The following EPHA6 variants were observed in gnomAD, a reference collection of about 807,000 sequenced individuals.
EPHA6 encodes the protein EPH receptor A6.
In EPHA6, 50 loss-of-function variants were observed where a neutral mutation model predicts 112.0. The observed-to-expected ratio is 0.45, with a 90% confidence interval of 0.36 to 0.56. The LOEUF is 0.56. Ranked by LOEUF, EPHA6 falls within the 20% of genes least tolerant of loss-of-function variation. The probability of loss-of-function intolerance (pLI) is 0.00; values close to 1 mark genes in which losing one functional copy is unlikely to be tolerated. For missense variants in EPHA6, 1,280 were observed against 1,417.4 expected (o/e 0.90, Z 1.56); for synonymous variants, 529 against 490.7 (o/e 1.08, Z -1.03).
At chr3:97,198,787 A>G (rs943586150) in intron 3 of EPHA6, among the ~76,000 whole-genome samples, 1 of 152,162 alleles carries the variant, frequency 6.6e-6, no homozygotes, top group South Asian at 2.1e-4. Flanking sequence ...AACATTGAAC[A>G]TGCTAGTGTC....
rs554940876 is a variant in EPHA6, at chr3:97,177,293, A to G, written c.1115-48971A>G. 2.8e-3 allele frequency among the ~76,000 whole-genome samples: 425 copies of G among 152,042 alleles called. 1 individual carries two copies. The highest frequency in any genetic ancestry group is 3.2e-3 in the Non-Finnish European group (215 of 67,874). On this transcript the variant is annotated intron_variant, in intron 3 of 17. Coordinates refer to ENST00000389672, the MANE Select transcript of EPHA6 (RefSeq NM_001080448.3). ...GTTTAAAGACTTGTTTTGTGACCTA[A>G]CATATGGCCTATCCTTGAGAATGAT... is the stretch of plus-strand genomic sequence containing the variant.
At chr3:97,209,727 G>A (rs1452064868) in intron 3 of EPHA6, among the ~76,000 whole-genome samples, 1 of 152,190 alleles carries the variant, frequency 6.6e-6, no homozygotes, top group Non-Finnish European at 1.5e-5. Context: ...AAAATTGTCA[G>A]ATTGAAAAAT....
chr3:97,293,037 T>A (rs1311725957), intron 5 of EPHA6, among the ~76,000 whole-genome samples: 1 of 152,044 alleles, frequency 6.6e-6, no homozygotes, highest in Non-Finnish European at 1.5e-5. Context: ...AGCTTCCAGC[T>A]CTCAGTGGAG....
intron 2 of EPHA6, among the ~76,000 whole-genome samples, chr3:96,925,399 C>G (rs140359712): frequency 6.8e-4 from 103 of 152,102 alleles, no homozygotes; most frequent in Non-Finnish European, 1.2e-3. Flanking sequence ...CAGAATTTAT[C>G]CATTTCTTCT....
intron 2 of EPHA6, among the ~76,000 whole-genome samples, chr3:96,899,962 G>A (rs2038513726): frequency 6.6e-6 from 1 of 152,102 alleles, no homozygotes; most frequent in Admixed American, 6.5e-5. Context: ...GATTTTCTGT[G>A]AATTTCTGTT....
chr3:97,616,436 T>G (rs2093766948), intron 13 of EPHA6, among the ~76,000 whole-genome samples: 1 of 152,140 alleles, frequency 6.6e-6, no homozygotes. Context: ...CTGAGATGGC[T>G]GAGACGACAG....
intron 5 of EPHA6, among the ~76,000 whole-genome samples, chr3:97,312,966 A>G (rs1046917393): frequency 1.8e-4 from 28 of 151,438 alleles, no homozygotes; most frequent in Non-Finnish European, 2.5e-4. Context: ...ATACATTATT[A>G]TTAACTGTGG....
At chr3:96,882,846 G>A (rs1381844285) in intron 2 of EPHA6, among the ~76,000 whole-genome samples, 1 of 151,712 alleles carries the variant, frequency 6.6e-6, no homozygotes, top group Non-Finnish European at 1.5e-5. Context: ...TATTTGGGTT[G>A]GTTCTATGAG....
chr3:97,439,923 G>A (rs2090047066), intron 6 of EPHA6, among the ~76,000 whole-genome samples: 1 of 152,102 alleles, frequency 6.6e-6, no homozygotes, highest in East Asian at 1.9e-4. Flanking sequence ...TGTGACCAGA[G>A]CTGCAGTAGG....
intron 1 of EPHA6, among the ~76,000 whole-genome samples, chr3:96,837,303 A>G (rs1350506226): frequency 6.6e-6 from 1 of 152,076 alleles, no homozygotes; most frequent in Non-Finnish European, 1.5e-5. Flanking sequence ...TGTGCACAGG[A>G]TTTCCTGGGA....
chr3:97,031,478 G>A (rs1393620728), intron 3 of EPHA6, among the ~76,000 whole-genome samples: 1 of 152,030 alleles, frequency 6.6e-6, no homozygotes, highest in East Asian at 1.9e-4. Flanking sequence ...CTTCTACACA[G>A]CAAAAGAAAC....
intron 5 of EPHA6, among the ~76,000 whole-genome samples, chr3:97,325,208 C>T (rs928940330): frequency 2.0e-5 from 3 of 152,018 alleles, no homozygotes; most frequent in Non-Finnish European, 4.4e-5. Flanking sequence ...CTAGGGTTGC[C>T]GTAATCAAGC....
chr3:97,280,733 T>A (rs774316237), intron 5 of EPHA6, among the ~76,000 whole-genome samples: 1 of 152,234 alleles, frequency 6.6e-6, no homozygotes, highest in Admixed American at 6.5e-5. Flanking sequence ...TATAAGGTTC[T>A]GAATTTCATA....
At chr3:97,471,846 AT>A (rs2091238935) in intron 7 of EPHA6, among the ~76,000 whole-genome samples, 1 of 151,780 alleles carries the variant, frequency 6.6e-6, no homozygotes, top group Non-Finnish European at 1.5e-5. Context: ...GTTGAAACAA[AT>A]TGTCACTAAG....
intron 2 of EPHA6, among the ~76,000 whole-genome samples, chr3:96,969,546 G>A (rs1310755536): frequency 1.3e-5 from 2 of 151,918 alleles, no homozygotes; most frequent in Non-Finnish European, 2.9e-5. Flanking sequence ...TCATTGTGAA[G>A]TGTTAAAGCA....
At chr3:97,644,924 C>A (rs978096622) in intron 14 of EPHA6, among the ~76,000 whole-genome samples, 17 of 152,170 alleles carry the variant, frequency 1.1e-4, no homozygotes, top group African/African-American at 4.1e-4. Flanking sequence ...GGAATCCTCC[C>A]TAACTCATTT....
At chr3:97,067,665 A>G (rs372693009) in intron 3 of EPHA6, among the ~76,000 whole-genome samples, 39 of 152,204 alleles carry the variant, frequency 2.6e-4, no homozygotes, top group African/African-American at 8.7e-4. Flanking sequence ...TAGTAACATT[A>G]AAGAGGAGCA....
intron 7 of EPHA6, among the ~76,000 whole-genome samples, chr3:97,463,310 A>G (rs948019660): frequency 2.6e-5 from 4 of 152,058 alleles, no homozygotes; most frequent in Non-Finnish European, 5.9e-5. Flanking sequence ...TAATTTTTAT[A>G]GGGATGCTTT....
At chr3:96,963,973 T>C (rs1348558124) in intron 2 of EPHA6, among the ~76,000 whole-genome samples, 1 of 152,058 alleles carries the variant, frequency 6.6e-6, no homozygotes, top group Non-Finnish European at 1.5e-5. Context: ...GATCCAGTAG[T>C]CTTTTTAAAA....
Sources: allele counts gnomAD v4.1 joint callset (sites outside exome capture counted in the v4.1 genomes callset), GRCh38; gene constraint gnomAD v4.1.1; transcripts MANE v1.5; gene names NCBI Gene and HGNC (gene_info 2026-07-23, HGNC 2026-07-21).